Variants in CMIP observed in about 807,000 individuals in gnomAD.
CMIP encodes the protein c-Maf inducing protein.
In CMIP, 13 loss-of-function variants were observed where a neutral mutation model predicts 97.3. The observed-to-expected ratio is 0.13, with a 90% confidence interval of 0.09 to 0.21. The LOEUF is 0.21. Ranked by LOEUF, CMIP falls within the 10% of genes least tolerant of loss-of-function variation. The probability of loss-of-function intolerance (pLI) is 1.00; values close to 1 mark genes in which losing one functional copy is unlikely to be tolerated. For synonymous variants in CMIP, 538 were observed against 436.3 expected (o/e 1.23, Z -2.91); for missense variants, 847 against 1,024.9 (o/e 0.83, Z 2.37).
At chr16:81,691,013 A>C (rs981889641) in intron 10 of CMIP, among the ~76,000 whole-genome samples, 1 of 152,166 alleles carries the variant, frequency 6.6e-6, no homozygotes, top group African/African-American at 2.4e-5. Flanking sequence ...AACAGCTTAG[A>C]ATGTTTGTTG....
intron 1 of CMIP, among the ~76,000 whole-genome samples, chr16:81,566,367 C>T (rs906428791): frequency 2.6e-5 from 4 of 152,208 alleles, no homozygotes; most frequent in Admixed American, 1.3e-4. Context: ...AGGAGCCTTC[C>T]TCCCTCACTG....
At chr16:81,664,448 G>C (rs1385243199) in intron 7 of CMIP, 99 bp downstream of exon 7, 12 of 1,194,540 alleles carry the variant, frequency 1.0e-5, no homozygotes, top group South Asian at 2.9e-5. Flanking sequence ...TGGGGAATGT[G>C]GTTGGCCCAG....
chr16:81,705,196 C>T (rs1009155586), intron 18 of CMIP, among the ~76,000 whole-genome samples: 1 of 152,200 alleles, frequency 6.6e-6, no homozygotes, highest in African/African-American at 2.4e-5. Flanking sequence ...AGAAAGCCAC[C>T]TAGGCAGCAT....
chr16:81,639,061 G>T (rs915248749), intron 3 of CMIP, among the ~76,000 whole-genome samples: 1 of 152,072 alleles, frequency 6.6e-6, no homozygotes, highest in Non-Finnish European at 1.5e-5. Context: ...TGTGTGTGTG[G>T]CTCAGTCCCT....
intron 1 of CMIP, among the ~76,000 whole-genome samples, chr16:81,594,354 G>T (rs888726694): frequency 6.6e-6 from 1 of 151,414 alleles, no homozygotes; most frequent in Non-Finnish European, 1.5e-5. Context: ...TAAGAGCTCA[G>T]AGCCATCCAC....
intron 1 of CMIP, among the ~76,000 whole-genome samples, chr16:81,546,451 G>A (rs185916182): frequency 1.7e-3 from 264 of 152,300 alleles, no homozygotes; most frequent in Non-Finnish European, 2.9e-3. Context: ...TTTCATGACA[G>A]TTTTCCTGAG....
intron 1 of CMIP, among the ~76,000 whole-genome samples, chr16:81,501,726 C>A (rs2089616733): frequency 6.6e-6 from 1 of 151,954 alleles, no homozygotes; most frequent in South Asian, 2.1e-4. Flanking sequence ...ATTCTCCTGC[C>A]TCAGCCTCCC....
chr16:81,576,389 G>A (rs2091189316), intron 1 of CMIP, among the ~76,000 whole-genome samples: 1 of 152,070 alleles, frequency 6.6e-6, no homozygotes, highest in Admixed American at 6.5e-5. Context: ...GGGTGACAGA[G>A]CAAGACTCTG....
intron 1 of CMIP, among the ~76,000 whole-genome samples, chr16:81,455,833 T>C (rs1200449479): frequency 1.3e-5 from 2 of 152,154 alleles, no homozygotes; most frequent in African/African-American, 4.8e-5. Context: ...AACCTTCCCT[T>C]CAGGGAGGCC....
At chr16:81,446,666 A>C (rs1252365924) in intron 1 of CMIP, among the ~76,000 whole-genome samples, 1 of 152,160 alleles carries the variant, frequency 6.6e-6, no homozygotes, top group Admixed American at 6.5e-5. Flanking sequence ...CACCTGTGCC[A>C]AGAAAACCCA....
intron 1 of CMIP, chr16:81,518,829 A>T (rs1334678450): frequency 1.4e-5 from 2 of 137,972 alleles, no homozygotes; most frequent in Non-Finnish European, 3.0e-5. Context: ...CGAGACCTGC[A>T]TCTCTATTTT....
intron 1 of CMIP, among the ~76,000 whole-genome samples, chr16:81,528,602 A>G (rs1029641895): frequency 1.3e-5 from 2 of 152,168 alleles, no homozygotes; most frequent in Non-Finnish European, 2.9e-5. Context: ...TCTGGTAACT[A>G]TTCCTAGAAT....
intron 1 of CMIP, among the ~76,000 whole-genome samples, chr16:81,493,756 G>A (rs1012442780): frequency 3.9e-5 from 6 of 152,214 alleles, no homozygotes; most frequent in Non-Finnish European, 7.3e-5. Context: ...CACGCACGTC[G>A]CAGAACCCAC....
At chr16:81,704,666 C>T (rs550972285) in intron 18 of CMIP, among the ~76,000 whole-genome samples, 9 of 75,554 alleles carry the variant, frequency 1.2e-4, no homozygotes, top group Admixed American at 1.2e-3. Flanking sequence ...CGTTCACCCT[C>T]CTCCCTACCC....
chr16:81,458,453 G>T (rs914388015), intron 1 of CMIP, among the ~76,000 whole-genome samples: 11 of 152,202 alleles, frequency 7.2e-5, no homozygotes, highest in Non-Finnish European at 4.4e-5. Context: ...CTGGCTGGGG[G>T]CATGACTAGA....
intron 1 of CMIP, among the ~76,000 whole-genome samples, chr16:81,562,775 G>T (rs931522702): frequency 2.6e-5 from 4 of 152,118 alleles, no homozygotes; most frequent in African/African-American, 9.7e-5. Context: ...AGTGAGGGAC[G>T]TAAATATTTT....
intron 1 of CMIP, among the ~76,000 whole-genome samples, chr16:81,447,869 T>G (rs1905957032): frequency 6.6e-6 from 1 of 151,964 alleles, no homozygotes; most frequent in Non-Finnish European, 1.5e-5. Context: ...AGAGGTGAGG[T>G]TGGGACTGCC....
rs527653023 is a variant in CMIP, at chr16:81,549,936, G to A, written c.301-57631G>A. On this transcript the variant is annotated intron_variant, in intron 1 of 20. Transcript: ENST00000537098. Reference sequence around the variant, plus strand: ...TGTGTGTACATGCTTGTGCATTTGTGTGTGTGTGTATGTGCACACAAGCCT... The same window carrying A: ...TGTGTGTACATGCTTGTGCATTTGTATGTGTGTGTATGTGCACACAAGCCT... Among the ~76,000 whole-genome samples the A allele has an allele frequency of 4.6e-5, 7 of 152,320 alleles. No individual in the cohort carries two copies. The East Asian group carries it at 9.6e-4, about 21-fold the overall frequency.
intron 5 of CMIP, among the ~76,000 whole-genome samples, chr16:81,659,558 G>A (rs887782194): frequency 2.0e-5 from 3 of 152,270 alleles, no homozygotes; most frequent in East Asian, 3.9e-4. Context: ...GTGGTAAGAC[G>A]GGCTGCTGCA....
Sources: allele counts gnomAD v4.1 joint callset (sites outside exome capture counted in the v4.1 genomes callset), GRCh38; gene constraint gnomAD v4.1.1; transcripts MANE v1.5; gene names NCBI Gene and HGNC (gene_info 2026-07-23, HGNC 2026-07-21).